Variants in HDAC4 observed in about 807,000 individuals in gnomAD.
The protein encoded by HDAC4 is histone deacetylase A.
HDAC4 carries 16 observed loss-of-function variants against 135.1 expected under a neutral mutation model. That is an observed-to-expected ratio of 0.12 (90% CI 0.08 to 0.18). HDAC4 has a LOEUF of 0.18. Among genes scored for constraint, HDAC4 ranks in the 10% least tolerant of loss-of-function variants. The pLI, the probability that HDAC4 is intolerant of heterozygous loss-of-function variation, is 1.00. For missense variants in HDAC4, 1,143 were observed against 1,511.8 expected (o/e 0.76, Z 4.05); for synonymous variants, 685 against 653.4 (o/e 1.05, Z -0.74).
At chr2:239,201,719 G>C (rs945937508) in intron 3 of HDAC4, among the ~76,000 whole-genome samples, 2 of 152,188 alleles carry the variant, frequency 1.3e-5, no homozygotes, top group African/African-American at 4.8e-5. Flanking sequence ...GCCAAGCCCA[G>C]CCTGCTGAGC....
At chr2:239,343,097 G>A (rs762291337) in intron 2 of HDAC4, among the ~76,000 whole-genome samples, 5 of 152,198 alleles carry the variant, frequency 3.3e-5, no homozygotes, top group Non-Finnish European at 7.3e-5. Flanking sequence ...CTGATTAGGT[G>A]GCTGAAAGCA....
chr2:239,180,121 G>A (rs903081144), intron 4 of HDAC4, among the ~76,000 whole-genome samples: 16 of 152,092 alleles, frequency 1.1e-4, no homozygotes, highest in African/African-American at 2.9e-4. Context: ...GGCCCGAGCC[G>A]ACTGGCAAGC....
At chr2:239,156,883 C>T (rs976832276) in intron 6 of HDAC4, 110 bp from the exon 7 acceptor site, 2 of 1,233,610 alleles carry the variant, frequency 1.6e-6, no homozygotes. Flanking sequence ...CTCAGCCCCA[C>T]CTCAACAGAC....
chr2:239,365,678 G>C (rs144695515), intron 1 of HDAC4, among the ~76,000 whole-genome samples: 2 of 152,332 alleles, frequency 1.3e-5, no homozygotes, highest in East Asian at 3.9e-4. Context: ...AGGGTTGTCA[G>C]GGTCATGCGT....
intron 2 of HDAC4, among the ~76,000 whole-genome samples, chr2:239,277,024 T>C (rs1344012596): frequency 6.6e-6 from 1 of 152,122 alleles, no homozygotes; most frequent in Admixed American, 6.5e-5. Flanking sequence ...CGCGCCCTCC[T>C]GGGCCTGCAT....
chr2:239,386,435 C>G (rs748547470), intron 1 of HDAC4, among the ~76,000 whole-genome samples: 30 of 152,276 alleles, frequency 2.0e-4, no homozygotes, highest in Admixed American at 9.1e-4. Flanking sequence ...TCAAAACCAC[C>G]TTCCCAAGAG....
intron 2 of HDAC4, among the ~76,000 whole-genome samples, chr2:239,238,805 C>A: frequency 6.6e-6 from 1 of 152,234 alleles, no homozygotes. Flanking sequence ...AGTCACGATA[C>A]GTGGTGTTCC....
At chr2:239,206,748 G>A (rs1323331165) in intron 3 of HDAC4, among the ~76,000 whole-genome samples, 1 of 151,586 alleles carries the variant, frequency 6.6e-6, no homozygotes, top group Non-Finnish European at 1.5e-5. Context: ...TATGAACACT[G>A]CTTGGACCCA....
At chr2:239,091,036 C>T (rs1342212871) in intron 17 of HDAC4, 1 of 152,302 alleles carries the variant, frequency 6.6e-6, no homozygotes, top group African/African-American at 2.4e-5. Context: ...ACGGCTCTGC[C>T]TGGACACCAG....
chr2:239,159,110 C>G (rs2042612405), intron 6 of HDAC4, among the ~76,000 whole-genome samples: 1 of 150,726 alleles, frequency 6.6e-6, no homozygotes, highest in South Asian at 2.1e-4. Flanking sequence ...ACCCGCACTT[C>G]ACAATACACC....
Position 239,054,849 on chromosome 2 carries a change from T to C in HDAC4, c.3004-16A>G. 6.4e-7 allele frequency: 1 copy of C among 1,563,776 alleles called. No homozygotes were observed. Among genetic ancestry groups the C allele is most frequent in the Non-Finnish European group, 8.8e-7 (1 of 1,134,100 alleles). On this transcript the variant is annotated splice_polypyrimidine_tract_variant and intron_variant, in intron 24 of 26. Transcript: ENST00000543185. ...GAGGATCAAGCTGGAAGAAAATGCA[T>C]AAGAATATAAAGACTGCCAATATAA...
rs139824291 is a variant in HDAC4 at position 239,055,038 on chromosome 2, C to T, written c.3004-205G>A. ...TGTAAAAGTGGATTTTTTTTTAGGA[C>T]GCTATAAGATATTTGTGGGTTCCTA... On this transcript the variant is annotated intron_variant, in intron 24 of 26. Coordinates refer to ENST00000543185, the MANE Select transcript of HDAC4 (RefSeq NM_001378414.1). The T allele has an allele frequency of 9.7e-4, 484 of 500,916 alleles. 2 individuals carry two copies. Among genetic ancestry groups the T allele is most frequent in the African/African-American group, 7.8e-3 (398 of 51,150 alleles). The allele number at this position is 500,916 out of a possible 1,614,324, so 31.0% of individuals were successfully genotyped here.
chr2:239,345,988 TCTCA>T (rs1001030565), intron 2 of HDAC4, among the ~76,000 whole-genome samples: 2 of 133,160 alleles, frequency 1.5e-5, no homozygotes, highest in African/African-American at 5.9e-5. Flanking sequence ...TATACCACCG[TCTCA>T]CACACTTGCA....
intron 2 of HDAC4, among the ~76,000 whole-genome samples, chr2:239,300,694 C>T (rs558428571): frequency 2.0e-5 from 3 of 152,358 alleles, no homozygotes; most frequent in South Asian, 4.1e-4. Flanking sequence ...AAATAGCACA[C>T]CTTTGTTTCC....
At chr2:239,056,901 AACTC>A (rs1351688155) in intron 24 of HDAC4, among the ~76,000 whole-genome samples, 2 of 152,382 alleles carry the variant, frequency 1.3e-5, no homozygotes, top group African/African-American at 4.8e-5. Flanking sequence ...CAGGAGAAGA[AACTC>A]AAACATGAAC....
At chr2:239,196,305 A>G (rs1012870650) in intron 3 of HDAC4, among the ~76,000 whole-genome samples, 8 of 152,178 alleles carry the variant, frequency 5.3e-5, no homozygotes, top group African/African-American at 1.7e-4. Flanking sequence ...ACAGTAATGA[A>G]ACCAGCACCA....
intron 5 of HDAC4, among the ~76,000 whole-genome samples, chr2:239,164,992 G>GAGGGCAAAAA (rs2043038485): frequency 6.6e-6 from 1 of 152,198 alleles, no homozygotes; most frequent in Admixed American, 6.5e-5. Flanking sequence ...GGAGGCTGAG[G>GAGGGCAAAAA]AGGGCAGACT....
intron 3 of HDAC4, among the ~76,000 whole-genome samples, chr2:239,222,846 G>C (rs2047039540): frequency 6.6e-6 from 1 of 152,122 alleles, no homozygotes; most frequent in Non-Finnish European, 1.5e-5. Flanking sequence ...CGGGGACCTG[G>C]GTATCACAGA....
rs2030934030 is a variant in HDAC4, at chr2:239,052,059, T to G, written c.*1038A>C. On this transcript the variant is annotated 3_prime_UTR_variant, in exon 27 of 27. Coordinates refer to ENST00000543185, the MANE Select transcript of HDAC4 (RefSeq NM_001378414.1). ...TAACACTGCAAGTGTGCCTACCACA[T>G]GCTTCACGACCAGATGGAGATGCTC... The G allele has an allele frequency of 6.5e-6, 1 of 152,754 alleles. No individual in the cohort carries two copies. The highest frequency in any genetic ancestry group is 2.1e-4 in the South Asian group (1 of 4,824). The allele number at this position is 152,754 out of a possible 1,614,324, so 9.5% of individuals were successfully genotyped here.
Sources: allele counts gnomAD v4.1 joint callset (sites outside exome capture counted in the v4.1 genomes callset), GRCh38; gene constraint gnomAD v4.1.1; transcripts MANE v1.5; gene names NCBI Gene and HGNC (gene_info 2026-07-23, HGNC 2026-07-21).